Variants in NRXN1 observed in about 807,000 individuals in gnomAD.
NRXN1 encodes neurexin 1.
A neutral mutation model predicts 150.9 loss-of-function variants in NRXN1; 39 were observed. That is an observed-to-expected ratio of 0.26 (90% confidence interval 0.20 to 0.34). NRXN1 has a LOEUF of 0.34. NRXN1 is among the 10% of genes least tolerant of loss of function. NRXN1 has a pLI of 1.00. For synonymous variants in NRXN1, 924 were observed against 757.0 expected (o/e 1.22, Z -3.62); for missense variants, 1,815 against 1,949.9 (o/e 0.93, Z 1.30).
chr2:51,024,011 G>A (rs1047538703), intron 2 of NRXN1, among the ~76,000 whole-genome samples: 24 of 152,166 alleles, frequency 1.6e-4, no homozygotes, highest in South Asian at 2.1e-4. Context: ...TAAAATGCAC[G>A]AGACCTGGGG....
chr2:50,154,721 C>T (rs17040013), intron 18 of NRXN1, among the ~76,000 whole-genome samples: 25,308 of 151,528 alleles, frequency 0.17, 2,594 homozygotes, highest in East Asian at 0.36. Flanking sequence ...AGGTATTCTG[C>T]AGATATAATT....
chr2:50,376,349 C>T (rs1337268917), intron 17 of NRXN1, among the ~76,000 whole-genome samples: 1 of 146,864 alleles, frequency 6.8e-6, no homozygotes, highest in Non-Finnish European at 1.5e-5. Flanking sequence ...ACTGCTCTGC[C>T]AAATTTTGAA....
intron 18 of NRXN1, among the ~76,000 whole-genome samples, chr2:50,135,309 G>T (rs11125291): frequency 0.17 from 26,127 of 152,174 alleles, 2,721 homozygotes; most frequent in East Asian, 0.37. Context: ...AAAAGGTGGA[G>T]GAGAATAGAC....
At chr2:50,556,291 G>C (rs1022461115) in intron 8 of NRXN1, among the ~76,000 whole-genome samples, 12 of 152,122 alleles carry the variant, frequency 7.9e-5, no homozygotes, top group Non-Finnish European at 1.5e-4. Flanking sequence ...TCATGTGTAA[G>C]CTATTTTTGC....
chr2:50,177,124 T>C lies in NRXN1; in HGVS notation c.3546+59665A>G, dbSNP rs568461356. 3.5e-4 allele frequency among the ~76,000 whole-genome samples: 54 copies of C among 152,282 alleles called. No individual in the cohort carries two copies. The South Asian group carries it at 0.011, about 32-fold the overall frequency. On this transcript the variant is annotated intron_variant, in intron 18 of 22. Coordinates refer to ENST00000401669, the MANE Select transcript of NRXN1 (RefSeq NM_001330078.2). ...AGTTAGAGTTTTAGAAAATTTTAGA[T>C]GCAGGGAGTACATGTGCTTGTTACA... is the stretch of plus-strand genomic sequence containing the variant.
chr2:50,138,947 G>A (rs1427786267), intron 18 of NRXN1, among the ~76,000 whole-genome samples: 1 of 152,226 alleles, frequency 6.6e-6, no homozygotes, highest in Non-Finnish European at 1.5e-5. Context: ...CAGATGAAAC[G>A]TGCCAAGTTG....
intron 2 of NRXN1, among the ~76,000 whole-genome samples, chr2:50,979,903 CAA>C (rs1178222041): frequency 1.3e-5 from 2 of 152,172 alleles, no homozygotes; most frequent in African/African-American, 4.8e-5. Flanking sequence ...CTAATTTTAA[CAA>C]AAGTTGTCCC....
intron 22 of NRXN1, among the ~76,000 whole-genome samples, chr2:49,932,010 G>T (rs767801085): frequency 2.0e-5 from 3 of 152,106 alleles, no homozygotes; most frequent in Non-Finnish European, 4.4e-5. Flanking sequence ...CTGGTTTATA[G>T]TAAGACAAAA....
chr2:50,393,258 C>CAAA (rs2081855387), intron 17 of NRXN1, among the ~76,000 whole-genome samples: 1 of 151,986 alleles, frequency 6.6e-6, no homozygotes, highest in East Asian at 1.9e-4. Flanking sequence ...CTAAACATTA[C>CAAA]GTCTGTTTTT....
chr2:49,995,325 T>C (rs922905602), intron 21 of NRXN1, among the ~76,000 whole-genome samples: 1 of 152,250 alleles, frequency 6.6e-6, no homozygotes, highest in Middle Eastern at 3.2e-3. Context: ...TACATTTTAA[T>C]AACATTGTCA....
intron 5 of NRXN1, among the ~76,000 whole-genome samples, chr2:50,655,842 A>G (rs1348478600): frequency 2.0e-5 from 3 of 152,004 alleles, no homozygotes; most frequent in Non-Finnish European, 4.4e-5. Context: ...AAAGAAAAAT[A>G]CTCAAAGAGA....
chr2:49,958,352 A>G (rs1482771115), intron 21 of NRXN1, among the ~76,000 whole-genome samples: 1 of 152,166 alleles, frequency 6.6e-6, no homozygotes, highest in Non-Finnish European at 1.5e-5. Context: ...TCACTTACAT[A>G]ACATTTAGAT....
chr2:50,121,978 C>T (rs888278260), intron 18 of NRXN1, among the ~76,000 whole-genome samples: 1 of 152,036 alleles, frequency 6.6e-6, no homozygotes, highest in African/African-American at 2.4e-5. Flanking sequence ...TTCAGAGAAT[C>T]TCCTCATGTA....
At chr2:50,388,056 T>C (rs7577661) in intron 17 of NRXN1, among the ~76,000 whole-genome samples, 77,198 of 151,932 alleles carry the variant, frequency 0.51, 20,372 homozygotes, top group East Asian at 0.81. Flanking sequence ...TACTTGAAAC[T>C]TTTTGATGCC....
At chr2:50,635,200 C>T (rs1315801372) in intron 5 of NRXN1, among the ~76,000 whole-genome samples, 1 of 151,954 alleles carries the variant, frequency 6.6e-6, no homozygotes, top group African/African-American at 2.4e-5. Flanking sequence ...CTCTGTCACC[C>T]AGGCTGGAGT....
chr2:50,624,786 T>A (rs1331728134), intron 5 of NRXN1: 1 of 152,008 alleles, frequency 6.6e-6, no homozygotes, highest in Non-Finnish European at 1.5e-5. Context: ...TCTCAACATT[T>A]TCTACGTATC....
chr2:50,656,634 A>G (rs1370931863), intron 5 of NRXN1, among the ~76,000 whole-genome samples: 1 of 151,874 alleles, frequency 6.6e-6, no homozygotes, highest in Non-Finnish European at 1.5e-5. Flanking sequence ...TTCCGTTTGT[A>G]CCACCCTCAT....
At chr2:50,265,129 A>G (rs999613094) in intron 17 of NRXN1, among the ~76,000 whole-genome samples, 1 of 152,108 alleles carries the variant, frequency 6.6e-6, no homozygotes, top group African/African-American at 2.4e-5. Context: ...GAAGTATAGA[A>G]ACTTCTCCAT....
intron 19 of NRXN1, among the ~76,000 whole-genome samples, chr2:50,078,040 C>G (rs180888247): frequency 6.6e-6 from 1 of 151,944 alleles, no homozygotes; most frequent in African/African-American, 2.4e-5. Context: ...AAATATTCAT[C>G]ATCATAATTT....
Sources: gnomAD v4.1 joint callset for allele counts (sites outside exome capture counted in the v4.1 genomes callset) on GRCh38, gnomAD v4.1.1 for gene constraint, MANE v1.5 for transcripts, NCBI Gene and HGNC (gene_info 2026-07-23, HGNC 2026-07-21) for gene names.